OBSL1: variants seen among roughly 807,000 people sequenced by gnomAD.
The protein encoded by OBSL1 is obscurin like cytoskeletal adaptor 1, also known as obscurin-like protein 1.
OBSL1 carries 160 observed loss-of-function variants against 172.0 expected under a neutral mutation model. That is an observed-to-expected ratio of 0.93 (90% CI 0.82 to 1.06). The LOEUF is 1.06. Ranked by LOEUF, OBSL1 falls within the 50% of genes least tolerant of loss-of-function variation. OBSL1 has a pLI of 0.00. For missense variants in OBSL1, 2,681 were observed against 2,715.4 expected, an observed-to-expected ratio of 0.99 and a Z score of 0.28; for synonymous variants, 1,200 against 1,196.3, an observed-to-expected ratio of 1.00 and a Z score of -0.06.
At chr2:219,547,806 G>T, downstream of OBSL1, 2 of 1,591,846 alleles carry the variant, frequency 1.3e-6, no homozygotes, top group Non-Finnish European at 1.7e-6. Context: ...TTGCTGGGGG[G>T]CGGCCTGCTC....
At position 219,551,725 on chromosome 2, in the gene OBSL1, C is replaced by G. The variant is rs201113762; in HGVS notation, c.5487G>C (p.Glu1829Asp). 1.1e-5 allele frequency: 18 copies of G among 1,604,812 alleles called. No homozygotes were observed. Among genetic ancestry groups the G allele is most frequent in the Non-Finnish European group, 1.4e-5 (16 of 1,174,744 alleles). The change falls in exon 20 of 21, where the codon GAG (glutamate) becomes GAC (aspartate). Residue 1829 changes from glutamate (E) to aspartate (D), a missense_variant. Around this residue, in one of 5 missense-constraint regions of OBSL1, gnomAD observed 1,765 missense variants for 1,748.3 expected, o/e 1.01. Coordinates refer to ENST00000404537, the MANE Select transcript of OBSL1 (RefSeq NM_015311.3). ...GGCCCCCCGAGCGGGACACAGTCAC[C>G]TCCAGCACCGCCCGGCGGCCCACCA... ...TVLVGRRAVL[E>D]VTVSRSGGHV... is the part of the protein sequence containing the mutation.
chr2:219,555,012 C>T (rs1695896364), intron 14 of OBSL1, among the ~76,000 whole-genome samples: 1 of 152,062 alleles, frequency 6.6e-6, no homozygotes, highest in South Asian at 2.1e-4. Flanking sequence ...TGCTGTGACA[C>T]TTGAAGGAGC....
chr2:219,556,704 C>G lies in OBSL1; in HGVS notation c.4086G>C (p.Leu1362=), dbSNP rs758341389. ...CAGTGAGTGGTGTCAGCTCCGAGAC[C>G]AGCTTCACCAGCAGTGGCTCTAAGG... The part of the protein sequence containing the change: ...VSVEEPLLVK[L]VSELTPLTVH... Residue 1362 remains leucine (L), a synonymous_variant, in exon 13 of 21, where the codon CTG becomes CTC. Coordinates refer to ENST00000404537, the MANE Select transcript of OBSL1 (RefSeq NM_015311.3). 4.4e-6 allele frequency: 7 copies of G among 1,603,284 alleles called. No individual in the cohort carries two copies. The highest frequency in any genetic ancestry group is 6.0e-6 in the Non-Finnish European group (7 of 1,171,232).
intron 6 of OBSL1, among the ~76,000 whole-genome samples, chr2:219,564,583 T>A (rs756680415): frequency 6.6e-6 from 1 of 152,162 alleles, no homozygotes; most frequent in Non-Finnish European, 1.5e-5. Context: ...TGCATTTTGT[T>A]CCCCCACCCA....
Position 219,565,475 on chromosome 2 carries a change from G to C in OBSL1, c.2174C>G (p.Ser725Trp). 1 of 1,612,194 alleles carries C rather than the reference G, an allele frequency of 6.2e-7. No homozygotes were observed. The highest frequency in any genetic ancestry group is 8.5e-7 in the Non-Finnish European group (1 of 1,179,866). The change falls in exon 6 of 21, where the codon TCG (serine) becomes TGG (tryptophan). Residue 725 changes from serine to tryptophan, a missense_variant. This residue lies in a region of OBSL1 where 1,765 missense variants were observed against 1,748.3 expected (regional missense o/e 1.01). Coordinates refer to ENST00000404537, the MANE Select transcript of OBSL1 (RefSeq NM_015311.3). The part of the protein sequence containing the change: ...VHILSPQDRV[S>W]LTFTTSERVV... ...CCGCTCTGAGGTTGTGAAGGTCAACGACACCCTGTCCTGGGGGCTCAGGAT... is the reference window on the plus strand; with the variant it reads ...CCGCTCTGAGGTTGTGAAGGTCAACCACACCCTGTCCTGGGGGCTCAGGAT...
At chr2:219,561,458 C>T (rs1696461038) in intron 8 of OBSL1, among the ~76,000 whole-genome samples, 1 of 152,136 alleles carries the variant, frequency 6.6e-6, no homozygotes, top group Admixed American at 6.5e-5. Flanking sequence ...GCTTTGAAAG[C>T]ACTTCCTGTT....
rs1221626898 is a variant in OBSL1 at position 219,570,265 on chromosome 2, T to G, written c.968A>C (p.Asn323Thr). The change falls in exon 1 of 21, where the codon AAC becomes ACC. Residue 323 changes from asparagine to threonine, a missense_variant. This residue lies in a region of OBSL1 where 706 missense variants were observed against 695.8 expected (regional missense o/e 1.01). Coordinates refer to ENST00000404537, the MANE Select transcript of OBSL1 (RefSeq NM_015311.3). ...GGCACTGAGCGTCTGGCCCGCCGAG[T>G]TGCGCGCGGCGCAGACGTAGAGCCC... ...DRGLYVCAAR[N>T]SAGQTLSAVQ... is the part of the protein sequence containing the mutation. 1.9e-6 allele frequency: 3 copies of G among 1,596,742 alleles called. No homozygotes were observed. Among genetic ancestry groups the G allele is most frequent in the East Asian group, 4.5e-5 (2 of 44,544 alleles).
At chr2:219,549,616 G>A (rs1249854491), downstream of OBSL1, 1 of 1,539,684 alleles carries the variant, frequency 6.5e-7, no homozygotes, top group Non-Finnish European at 8.8e-7. Context: ...CTGGGTCTAT[G>A]GCAGTCTATA....
At chr2:219,547,680 G>A (rs143196218), downstream of OBSL1, 404 of 1,551,614 alleles carry the variant, frequency 2.6e-4, 2 homozygotes, top group East Asian at 5.7e-3. Flanking sequence ...ATGCTAGTGC[G>A]CAGCGTGGGC....
chr2:219,566,539 T>C (rs1225641032), intron 5 of OBSL1, among the ~76,000 whole-genome samples: 6 of 152,198 alleles, frequency 3.9e-5, no homozygotes, highest in Non-Finnish European at 5.9e-5. Flanking sequence ...CCAGGGTCTG[T>C]GTCTTTCAAA....
rs1574591264 is a variant in OBSL1, at chr2:219,571,519, G to A, written c.-287C>T. 4 of 244,572 alleles carry A rather than the reference G, an allele frequency of 1.6e-5. No individual in the cohort carries two copies. Among genetic ancestry groups the A allele is most frequent in the Non-Finnish European group, 3.1e-5 (4 of 128,112 alleles). The allele number at this position is 244,572 out of a possible 1,614,324, so 15.2% of individuals were successfully genotyped here. Reference sequence around the variant, plus strand: ...AGTGGCCCCGCAGCCTCCCCTGCCCGCTGCCTGGCTTCCTGCTCTTAGGAG... The same window carrying A: ...AGTGGCCCCGCAGCCTCCCCTGCCCACTGCCTGGCTTCCTGCTCTTAGGAG... On this transcript the variant is annotated 5_prime_UTR_variant, in exon 1 of 21. Coordinates refer to ENST00000404537, the MANE Select transcript of OBSL1 (RefSeq NM_015311.3).
rs1008620099 is a variant in OBSL1 at position 219,571,110 on chromosome 2, A to G, written c.123T>C (p.Pro41=). The change falls in exon 1 of 21, where the codon CCT becomes CCC. Residue 41 remains proline, a synonymous_variant. Coordinates refer to ENST00000404537, the MANE Select transcript of OBSL1 (RefSeq NM_015311.3). The part of the protein sequence containing the change: ...LKCVVLGEPP[P]VVVWEKGGQQ... Reference sequence around the variant, plus strand: ...GCCCGCCCTTCTCCCACACCACTACAGGCGGCGGCTCCCCCAGGACCACGC... The same window carrying G: ...GCCCGCCCTTCTCCCACACCACTACGGGCGGCGGCTCCCCCAGGACCACGC... 1 of 1,467,684 alleles carries G rather than the reference A, an allele frequency of 6.8e-7. No individual in the cohort carries two copies. Among genetic ancestry groups the G allele is most frequent in the Non-Finnish European group, 9.0e-7 (1 of 1,114,622 alleles). The allele number at this position is 1,467,684 out of a possible 1,614,324, so 90.9% of individuals were successfully genotyped here. A position where few individuals can be genotyped will look rare whatever the true frequency, so the allele number is the denominator to read the frequency against.
Position 219,568,221 on chromosome 2 carries a change from G to C in OBSL1, c.1116C>G (p.Ala372=). The change falls in exon 2 of 21, where the codon GCC becomes GCG. Residue 372 remains alanine, a synonymous_variant. Coordinates refer to ENST00000404537, the MANE Select transcript of OBSL1 (RefSeq NM_015311.3). The surrounding 1 kb of genome is among the most constrained non-coding windows in gnomAD (Gnocchi z 4.1). ...GCAGCCGCTGGTCCTCACGGAACCA[G>C]GCCGTGGGGATGCGGGAGTTGGGTA... is the stretch of plus-strand genomic sequence containing the variant. The part of the protein sequence containing the change: ...CKVPNSRIPT[A]WFREDQRLLP... The C allele has an allele frequency of 1.2e-6, 2 of 1,613,608 alleles. No individual in the cohort carries two copies. The highest frequency in any genetic ancestry group is 1.7e-6 in the Non-Finnish European group (2 of 1,179,856).
Position 219,551,648 on chromosome 2 carries a change from T to C in OBSL1, c.5564A>G (p.Glu1855Gly), listed in dbSNP as rs777883875. The change falls in exon 20 of 21, where the codon GAG becomes GGG. Residue 1855 changes from glutamate (E) to glycine (G), a missense_variant. Coordinates refer to ENST00000404537, the MANE Select transcript of OBSL1 (RefSeq NM_015311.3). ...GAELCPGDKY[E>G]MRSHGPTHSL... ...GTGGGTGGGGCCGTGGCTGCGCATC[T>C]CATACTTATCTCCCGGGCACAGCTC... 37 of 1,611,642 alleles carry C rather than the reference T, an allele frequency of 2.3e-5. No individual in the cohort carries two copies. Among genetic ancestry groups the C allele is most frequent in the Non-Finnish European group, 3.1e-5 (36 of 1,179,250 alleles).
rs371141615 is a variant in OBSL1 at position 219,552,615 on chromosome 2, C to A, written c.5229G>T (p.Ser1743=). 2.9e-4 allele frequency: 455 copies of A among 1,573,208 alleles called. No homozygotes were observed. The highest frequency in any genetic ancestry group is 3.7e-4 in the Non-Finnish European group (432 of 1,165,890). The change falls in exon 18 of 21, where the codon TCG becomes TCT. Residue 1743 remains serine, a synonymous_variant. Transcript: ENST00000404537. ...CCCAGCGCCCCGTGGTCTCGACCTC[C>A]GACACGGTGCACTCGAACGTAGCGC... The part of the protein sequence containing the change: ...GDGATFECTV[S]EVETTGRWEL...
In OBSL1 at chr2:219,570,664, G is replaced by A. The variant is rs148433261; in HGVS notation, c.569C>T (p.Ala190Val). The A allele has an allele frequency of 4.6e-6, 7 of 1,506,294 alleles. No homozygotes were observed. 93.3% of individuals were successfully genotyped at this position (1,506,294 alleles called of 1,614,324 possible). Reference protein sequence around the residue: ...QPGRAEDGPGASLALRILAAR... With the variant: ...QPGRAEDGPGVSLALRILAAR... ...CGCCAGGATGCGCAGTGCCAGGCTC[G>A]CGCCGGGGCCGTCCTCGGCGCGGCC... Residue 190 changes from alanine to valine, a missense_variant, in exon 1 of 21, where the codon GCG (alanine) becomes GTG (valine). Physicochemically the swap from Ala to Val is moderately conservative, Grantham distance 64. This residue lies in a region of OBSL1 where 706 missense variants were observed against 695.8 expected (regional missense o/e 1.01). Transcript: ENST00000404537.
chr2:219,552,511 C>T, intron 18 of OBSL1, 25 bp downstream of exon 18: 1 of 1,585,130 alleles, frequency 6.3e-7, no homozygotes, highest in South Asian at 1.1e-5. Flanking sequence ...GCGAGGGGCC[C>T]GAAAGGGTAA....
At chr2:219,547,869 C>G, downstream of OBSL1, 2 of 1,590,800 alleles carry the variant, frequency 1.3e-6, no homozygotes, top group Non-Finnish European at 1.7e-6. Flanking sequence ...CTGGCCACCG[C>G]CGTGACTGGT....
At chr2:219,554,403 G>A in intron 15 of OBSL1, 71 bp downstream of exon 15, 2 of 1,548,244 alleles carry the variant, frequency 1.3e-6, no homozygotes, top group South Asian at 1.2e-5. Flanking sequence ...CGAGTTGGGG[G>A]TCAGTATTCA....
Sources: gnomAD v4.1 joint callset for allele counts (sites outside exome capture counted in the v4.1 genomes callset) on GRCh38, gnomAD v4.1.1 for gene constraint, gnomAD v4.1.1 regional missense constraint, Gnocchi (gnomAD v3.1) non-coding constraint, MANE v1.5 for transcripts, NCBI Gene and HGNC (gene_info 2026-07-23, HGNC 2026-07-21) for gene names.